The following OPCML variants were observed in gnomAD, a reference collection of about 807,000 sequenced individuals.
OPCML encodes opioid binding protein/cell adhesion molecule like, also known as opioid-binding protein/cell adhesion molecule.
Under a neutral mutation model 37.8 loss-of-function variants are expected in OPCML, and 13 were observed. The observed-to-expected ratio is 0.34, with a 90% CI of 0.22 to 0.55. The LOEUF (loss-of-function observed/expected upper bound fraction) is 0.55, where lower values mean the gene tolerates loss of function less well. Ranked by LOEUF, OPCML falls within the 20% of genes least tolerant of loss-of-function variation. The pLI is 0.91. For missense variants in OPCML, 341 were observed against 435.6 expected, an observed-to-expected ratio of 0.78 and a Z score of 1.93; for synonymous variants, 176 against 168.8, an observed-to-expected ratio of 1.04 and a Z score of -0.33.
At chr11:133,104,660 T>A (rs1285443193) in intron 1 of OPCML, among the ~76,000 whole-genome samples, 1 of 152,222 alleles carries the variant, frequency 6.6e-6, no homozygotes, top group Non-Finnish European at 1.5e-5. Flanking sequence ...CTGACTCAGC[T>A]GGTGTTAGGT....
intron 2 of OPCML, among the ~76,000 whole-genome samples, chr11:132,761,585 T>C (rs925134566): frequency 1.3e-5 from 2 of 152,078 alleles, no homozygotes; most frequent in African/African-American, 4.8e-5. Context: ...TCTTTTCTTC[T>C]GCTTGATCGA....
intron 2 of OPCML, among the ~76,000 whole-genome samples, chr11:132,726,159 C>G (rs534208725): frequency 1.1e-4 from 16 of 152,304 alleles, no homozygotes; most frequent in African/African-American, 3.4e-4. Context: ...CCCCACTCTA[C>G]TGTTTTTATG....
intron 3 of OPCML, among the ~76,000 whole-genome samples, chr11:132,624,540 A>T (rs11223156): frequency 0.46 from 70,165 of 151,770 alleles, 16,525 homozygotes; most frequent in South Asian, 0.51. Flanking sequence ...GTAACCTCAG[A>T]TCACTGGGCT....
At position 133,336,756 on chromosome 11, in the gene OPCML, T is replaced by C. The variant is rs192221419; in HGVS notation, c.61+195508A>G. Among the ~76,000 whole-genome samples, 529 of 152,346 alleles carry C rather than the reference T, an allele frequency of 3.5e-3. 3 individuals are homozygous for C. Among genetic ancestry groups the C allele is most frequent in the African/African-American group, 0.012 (504 of 41,592 alleles). ...AATGTCCTTGCTCTTAGCATCTCTC[T>C]TTCCTTACTTCCTTACACCCCCATT... On this transcript the variant is annotated intron_variant, in intron 1 of 7. Transcript: ENST00000524381.
chr11:132,810,176 C>T (rs1939259979), intron 2 of OPCML, among the ~76,000 whole-genome samples: 1 of 152,148 alleles, frequency 6.6e-6, no homozygotes, highest in Non-Finnish European at 1.5e-5. Context: ...AGCTAGCCTT[C>T]CAAGGGCCAC....
At chr11:133,220,385 G>T (rs1377497700) in intron 1 of OPCML, among the ~76,000 whole-genome samples, 1 of 152,194 alleles carries the variant, frequency 6.6e-6, no homozygotes, top group Non-Finnish European at 1.5e-5. Flanking sequence ...TGAGGGCACA[G>T]GTTCTCATGC....
intron 1 of OPCML, among the ~76,000 whole-genome samples, chr11:133,048,767 G>T (rs1948072021): frequency 6.6e-6 from 1 of 152,160 alleles, no homozygotes. Flanking sequence ...CAAGATTGAG[G>T]TCTGGAACTC....
intron 3 of OPCML, among the ~76,000 whole-genome samples, chr11:132,576,937 T>A (rs2096452386): frequency 6.6e-6 from 1 of 152,088 alleles, no homozygotes; most frequent in African/African-American, 2.4e-5. Context: ...TCATCCAAGC[T>A]CCAAGACTGG....
chr11:132,974,323 A>T (rs558649557), intron 1 of OPCML, among the ~76,000 whole-genome samples: 2 of 152,136 alleles, frequency 1.3e-5, no homozygotes, highest in Non-Finnish European at 2.9e-5. Flanking sequence ...TCCATTTCTC[A>T]TCTCCCCATC....
At chr11:133,130,601 C>T (rs186406816) in intron 1 of OPCML, among the ~76,000 whole-genome samples, 1 of 152,130 alleles carries the variant, frequency 6.6e-6, no homozygotes, top group African/African-American at 2.4e-5. Context: ...ACTCTAAATT[C>T]TTTAATGGAA....
intron 4 of OPCML, among the ~76,000 whole-genome samples, chr11:132,474,661 C>T (rs945659304): frequency 6.6e-6 from 1 of 152,176 alleles, no homozygotes; most frequent in Non-Finnish European, 1.5e-5. Context: ...GCCTCCCTTC[C>T]TGAACAGATT....
chr11:133,058,160 CA>C (rs1176802207), intron 1 of OPCML, among the ~76,000 whole-genome samples: 1 of 152,038 alleles, frequency 6.6e-6, no homozygotes, highest in Non-Finnish European at 1.5e-5. Context: ...TATAATGTGA[CA>C]AATGTTTGAA....
At chr11:132,718,896 C>T (rs1003695077) in intron 2 of OPCML, among the ~76,000 whole-genome samples, 23 of 152,190 alleles carry the variant, frequency 1.5e-4, no homozygotes, top group African/African-American at 5.5e-4. Context: ...CATCTGAGCA[C>T]GTTGCTAGGG....
chr11:132,586,137 C>A (rs893870501), intron 3 of OPCML, among the ~76,000 whole-genome samples: 2 of 152,136 alleles, frequency 1.3e-5, no homozygotes, highest in Non-Finnish European at 2.9e-5. Flanking sequence ...ATGGGCACTG[C>A]ACCCACATTG....
At chr11:133,187,202 G>A (rs996972570) in intron 1 of OPCML, among the ~76,000 whole-genome samples, 1 of 152,144 alleles carries the variant, frequency 6.6e-6, no homozygotes, top group Non-Finnish European at 1.5e-5. Flanking sequence ...AGTCATGGAG[G>A]TGTGGCATGG....
At chr11:133,153,484 G>A (rs555767980) in intron 1 of OPCML, among the ~76,000 whole-genome samples, 2 of 152,298 alleles carry the variant, frequency 1.3e-5, no homozygotes, top group African/African-American at 4.8e-5. Flanking sequence ...AGGTTGCCTT[G>A]GAACCCATCT....
chr11:133,080,553 A>G (rs945384945), intron 1 of OPCML, among the ~76,000 whole-genome samples: 1 of 150,788 alleles, frequency 6.6e-6, no homozygotes, highest in African/African-American at 2.4e-5. Context: ...TGCCTGAGAC[A>G]AGACGGTTAG....
At chr11:132,727,447 T>C (rs1944926181) in intron 2 of OPCML, among the ~76,000 whole-genome samples, 2 of 152,312 alleles carry the variant, frequency 1.3e-5, no homozygotes, top group South Asian at 4.1e-4. Context: ...AGGGCTCTCC[T>C]GGGGAGGAAA....
intron 2 of OPCML, among the ~76,000 whole-genome samples, chr11:132,680,355 G>A (rs1162120888): frequency 6.6e-6 from 1 of 152,140 alleles, no homozygotes; most frequent in Non-Finnish European, 1.5e-5. Flanking sequence ...CAAGTATAAA[G>A]GAGTAACACA....
Sources: allele counts gnomAD v4.1 joint callset (sites outside exome capture counted in the v4.1 genomes callset), GRCh38; gene constraint gnomAD v4.1.1; transcripts MANE v1.5; gene names NCBI Gene and HGNC (gene_info 2026-07-23, HGNC 2026-07-21).